LDLRAD3: variants seen among roughly 807,000 people sequenced by gnomAD.
LDLRAD3 encodes low-density lipoprotein receptor class A domain-containing protein 3.
Under a neutral mutation model 29.4 loss-of-function variants are expected in LDLRAD3, and 20 were observed. The observed-to-expected ratio is 0.68, with a 90% confidence interval of 0.48 to 0.99. LDLRAD3 has a LOEUF of 0.99. Among genes scored for constraint, LDLRAD3 ranks in the 50% least tolerant of loss-of-function variants. The pLI, the probability that LDLRAD3 is intolerant of heterozygous loss-of-function variation, is 0.00. For missense variants in LDLRAD3, 420 were observed against 454.3 expected (o/e 0.92, Z 0.69); for synonymous variants, 157 against 192.7 (o/e 0.81, Z 1.53).
intron 4 of LDLRAD3, among the ~76,000 whole-genome samples, chr11:36,144,076 G>A (rs1419464061): frequency 1.3e-5 from 2 of 151,984 alleles, no homozygotes; most frequent in Admixed American, 1.3e-4. Flanking sequence ...TTGCAGGCGC[G>A]CGCCACCACG....
At position 36,229,415 on chromosome 11, in the gene LDLRAD3, G is replaced by A; in HGVS notation, c.*18G>A. ...AAGTATAAGTCCCAGTTATTCCAAA[G>A]TCCATATGGGTTAATCTGCTCTGAC... On this transcript the variant is annotated 3_prime_UTR_variant, in exon 6 of 6. Transcript: ENST00000315571. The A allele has an allele frequency of 2.0e-6, 3 of 1,532,744 alleles. No homozygotes were observed. The South Asian group carries it at 3.4e-5, about 17-fold the overall frequency. The allele number at this position is 1,532,744 out of a possible 1,614,324, so 94.9% of individuals were successfully genotyped here.
intron 2 of LDLRAD3, among the ~76,000 whole-genome samples, chr11:36,076,052 G>T (rs1450980627): frequency 6.6e-6 from 1 of 152,160 alleles, no homozygotes; most frequent in African/African-American, 2.4e-5. Flanking sequence ...GGTTCTCTTT[G>T]CTGGATAATG....
chr11:36,223,589 T>C (rs1171526773), intron 4 of LDLRAD3, among the ~76,000 whole-genome samples: 1 of 151,964 alleles, frequency 6.6e-6, no homozygotes, highest in Non-Finnish European at 1.5e-5. Flanking sequence ...ATTAGCTAGG[T>C]TGTGTGACGC....
chr11:36,082,903 G>GT (rs1389934450), intron 3 of LDLRAD3, among the ~76,000 whole-genome samples: 3 of 152,140 alleles, frequency 2.0e-5, no homozygotes, highest in African/African-American at 7.2e-5. Context: ...TCTGGTCACT[G>GT]TTTCTTCTTC....
chr11:36,097,567 A>G (rs569871822), intron 3 of LDLRAD3, among the ~76,000 whole-genome samples: 3 of 152,242 alleles, frequency 2.0e-5, no homozygotes, highest in Admixed American at 6.5e-5. Flanking sequence ...GTCGGGGTGG[A>G]GAGTGGCAAA....
intron 4 of LDLRAD3, among the ~76,000 whole-genome samples, chr11:36,182,129 G>A (rs1198521724): frequency 6.6e-6 from 1 of 152,210 alleles, no homozygotes; most frequent in Non-Finnish European, 1.5e-5. Flanking sequence ...AGTGGTGGAA[G>A]TAGCCAGTAA....
intron 1 of LDLRAD3, among the ~76,000 whole-genome samples, chr11:35,973,610 G>T (rs1051184996): frequency 6.6e-6 from 1 of 151,782 alleles, no homozygotes; most frequent in East Asian, 1.9e-4. Context: ...GACTACAGGT[G>T]CACGCCACCA....
At position 35,944,335 on chromosome 11, in the gene LDLRAD3, C is replaced by T. The variant is rs979574181; in HGVS notation, c.46+191C>T. ...GGGGCCGCCGCGGGGTGCGAGCCGT[C>T]CTATTGTGTGGGCGTGCGCGCCGGG... On this transcript the variant is annotated intron_variant, in intron 1 of 5. Coordinates refer to ENST00000315571, the MANE Select transcript of LDLRAD3 (RefSeq NM_174902.4). This position sits in a 1 kb window ranked among gnomAD's most constrained non-coding sequence, Gnocchi z 4.9. Among the ~76,000 whole-genome samples, 13 of 151,784 alleles carry T rather than the reference C, an allele frequency of 8.6e-5. No homozygotes were observed. The highest frequency in any genetic ancestry group is 3.1e-4 in the African/African-American group (13 of 41,374).
intron 2 of LDLRAD3, among the ~76,000 whole-genome samples, chr11:36,072,184 G>A (rs956212924): frequency 3.3e-5 from 5 of 152,212 alleles, no homozygotes; most frequent in Non-Finnish European, 7.3e-5. Flanking sequence ...GCCAACCACA[G>A]AGGTCTAGAA....
intron 4 of LDLRAD3, among the ~76,000 whole-genome samples, chr11:36,218,972 C>CAT (rs60089089): frequency 0.067 from 10,234 of 152,268 alleles, 448 homozygotes; most frequent in East Asian, 0.2. Context: ...AAGAAAAGTA[C>CAT]GTGTGTGTAC....
intron 4 of LDLRAD3, among the ~76,000 whole-genome samples, chr11:36,181,642 C>T (rs1461513437): frequency 6.6e-6 from 1 of 152,118 alleles, no homozygotes; most frequent in African/African-American, 2.4e-5. Context: ...CTTATATAGA[C>T]CCTACCTAAA....
chr11:36,027,147 CCCCATCTTCT>C (rs1852177612), intron 1 of LDLRAD3, among the ~76,000 whole-genome samples: 1 of 152,196 alleles, frequency 6.6e-6, no homozygotes, highest in Non-Finnish European at 1.5e-5. Context: ...TCCTGTTCCT[CCCCATCTTCT>C]TGCCACTTAA....
chr11:36,152,681 A>G (rs546525498), intron 4 of LDLRAD3, among the ~76,000 whole-genome samples: 1 of 152,192 alleles, frequency 6.6e-6, no homozygotes, highest in Admixed American at 6.5e-5. Context: ...TTTCTAACAG[A>G]AAGGTGTGCA....
intron 1 of LDLRAD3, among the ~76,000 whole-genome samples, chr11:35,994,336 CAAAAAAAAAAAAA>C (rs36041385): frequency 8.2e-5 from 4 of 48,996 alleles, no homozygotes; most frequent in Non-Finnish European, 1.5e-4. Context: ...GACTTTGTCT[CAAAAAAAAAAAAA>C]AAAAAAAAAA....
At chr11:36,212,338 G>C (rs1855293703) in intron 4 of LDLRAD3, among the ~76,000 whole-genome samples, 3 of 152,152 alleles carry the variant, frequency 2.0e-5, no homozygotes. Context: ...GTGGCCTGCA[G>C]TAGGAGAGGT....
intron 1 of LDLRAD3, among the ~76,000 whole-genome samples, chr11:35,965,657 T>C (rs989386095): frequency 3.3e-5 from 5 of 151,904 alleles, no homozygotes; most frequent in African/African-American, 1.2e-4. Context: ...CAAAGAGAGA[T>C]GGGGGAATAA....
chr11:36,037,175 C>T (rs924348019), intron 2 of LDLRAD3, among the ~76,000 whole-genome samples: 5 of 152,132 alleles, frequency 3.3e-5, no homozygotes, highest in Admixed American at 1.3e-4. Context: ...CATGACTGGA[C>T]GATGGTTCCT....
At chr11:36,191,572 C>CTATATA (rs1180186515) in intron 4 of LDLRAD3, among the ~76,000 whole-genome samples, 15 of 74,394 alleles carry the variant, frequency 2.0e-4, no homozygotes, top group African/African-American at 3.8e-4. Flanking sequence ...CTCTCTCTCT[C>CTATATA]TCTCTATATA....
chr11:36,064,303 T>C (rs1345868314), intron 2 of LDLRAD3, among the ~76,000 whole-genome samples: 3 of 152,076 alleles, frequency 2.0e-5, no homozygotes, highest in Non-Finnish European at 4.4e-5. Context: ...TCTAATAGTT[T>C]TTTTTAAAAA....
Sources: gnomAD v4.1 joint callset for allele counts (sites outside exome capture counted in the v4.1 genomes callset) on GRCh38, gnomAD v4.1.1 for gene constraint, Gnocchi (gnomAD v3.1) non-coding constraint, MANE v1.5 for transcripts, NCBI Gene and HGNC (gene_info 2026-07-23, HGNC 2026-07-21) for gene names.